SLC4A4: variants seen among roughly 807,000 people sequenced by gnomAD.
The protein encoded by SLC4A4 is solute carrier family 4 member 4, also known as electrogenic sodium bicarbonate cotransporter 1.
A neutral mutation model predicts 111.5 loss-of-function variants in SLC4A4; 27 were observed. The observed-to-expected ratio is 0.24, with a 90% CI of 0.18 to 0.33. The LOEUF is 0.33. SLC4A4 is among the 10% of genes least tolerant of loss of function. SLC4A4 has a pLI of 1.00. For synonymous variants in SLC4A4, 443 were observed against 463.4 expected (o/e 0.96, Z 0.57); for missense variants, 909 against 1,315.5 (o/e 0.69, Z 4.78).
chr4:71,068,578 T>A (rs532976369), intron 1 of SLC4A4, among the ~76,000 whole-genome samples: 1 of 151,878 alleles, frequency 6.6e-6, no homozygotes, highest in South Asian at 2.1e-4. Flanking sequence ...TTTTTTTTTT[T>A]AGGCAGTGTC....
chr4:71,429,867 T>A (rs1723483200), intron 7 of SLC4A4, among the ~76,000 whole-genome samples: 1 of 152,166 alleles, frequency 6.6e-6, no homozygotes, highest in African/African-American at 2.4e-5. Flanking sequence ...AGCCGTATAT[T>A]CTATTCTTGT....
chr4:71,327,491 C>T (rs1043696898), intron 3 of SLC4A4, among the ~76,000 whole-genome samples: 6 of 151,856 alleles, frequency 4.0e-5, no homozygotes, highest in Non-Finnish European at 8.8e-5. Flanking sequence ...GATGCATTTT[C>T]CCTGTCTATA....
chr4:71,312,457 G>C (rs1726281310), intron 3 of SLC4A4, among the ~76,000 whole-genome samples: 1 of 152,172 alleles, frequency 6.6e-6, no homozygotes, highest in Admixed American at 6.5e-5. Context: ...AAACCTGGCA[G>C]AGACACAACA....
At chr4:71,130,746 C>T (rs1347763717) in intron 2 of SLC4A4, among the ~76,000 whole-genome samples, 5 of 152,172 alleles carry the variant, frequency 3.3e-5, no homozygotes, top group Non-Finnish European at 5.9e-5. Context: ...AGGCAAACCT[C>T]GCTCATATAC....
chr4:71,369,700 G>A (rs1731671983), intron 6 of SLC4A4, among the ~76,000 whole-genome samples: 1 of 152,168 alleles, frequency 6.6e-6, no homozygotes, highest in Admixed American at 6.5e-5. Context: ...GCTTGGTAAA[G>A]TGACAAGATT....
chr4:71,300,222 A>G, intron 3 of SLC4A4: 1 of 191,370 alleles, frequency 5.2e-6, no homozygotes, highest in East Asian at 1.3e-4. Context: ...CACCCAATAT[A>G]CAGGGTCTGG....
At chr4:71,270,442 A>T (rs999766727) in intron 3 of SLC4A4, among the ~76,000 whole-genome samples, 1 of 152,228 alleles carries the variant, frequency 6.6e-6, no homozygotes, top group Non-Finnish European at 1.5e-5. Flanking sequence ...CCAAAATACT[A>T]GGAATTTCCT....
rs761331086 is a variant in SLC4A4 at position 71,311,890 on chromosome 4, T to TGAGAGAGAGAGAGAGAGA, written c.254-27453_254-27436dup. ...GAGCCTGAGCAAATGTGCAAGGCTG[T>TGAGAGAGAGAGAGAGAGA]GAGAGAGAGAGAGAGAGAGAGAGAG... On this transcript the variant is annotated intron_variant, in intron 3 of 25. Transcript: ENST00000264485. Among the ~76,000 whole-genome samples, 35 of 76,600 alleles carry TGAGAGAGAGAGAGAGAGA rather than the reference T, an allele frequency of 4.6e-4. 1 individual carries two copies. Among genetic ancestry groups the TGAGAGAGAGAGAGAGAGA allele is most frequent in the South Asian group, 1.0e-3 (2 of 1,922 alleles). 50.3% of individuals were successfully genotyped at this position (76,600 alleles called of 152,430 possible).
At chr4:71,508,563 A>G (rs1265778294) in intron 16 of SLC4A4, among the ~76,000 whole-genome samples, 1 of 152,204 alleles carries the variant, frequency 6.6e-6, no homozygotes, top group African/African-American at 2.4e-5. Flanking sequence ...AACCAGGAGA[A>G]AGTTGAATCC....
At chr4:71,520,599 C>G (rs1442978185) in intron 16 of SLC4A4, among the ~76,000 whole-genome samples, 1 of 152,234 alleles carries the variant, frequency 6.6e-6, no homozygotes, top group Admixed American at 6.5e-5. Flanking sequence ...TGACAATTAA[C>G]AGCCTTTTGA....
chr4:71,299,250 G>T (rs1443563369), intron 3 of SLC4A4, among the ~76,000 whole-genome samples: 2 of 152,206 alleles, frequency 1.3e-5, no homozygotes, highest in Non-Finnish European at 2.9e-5. Context: ...TTGGAGACAG[G>T]TGCTAAGGAA....
chr4:71,487,135 C>T (rs1264465892), intron 15 of SLC4A4, 117 bp downstream of exon 15: 5 of 632,864 alleles, frequency 7.9e-6, no homozygotes, highest in South Asian at 3.8e-5. Flanking sequence ...TGAACACATA[C>T]GTAACAATTA....
intron 2 of SLC4A4, among the ~76,000 whole-genome samples, chr4:71,153,521 G>A (rs887195846): frequency 1.3e-5 from 2 of 152,128 alleles, no homozygotes; most frequent in Non-Finnish European, 2.9e-5. Flanking sequence ...CTAGTCGTTA[G>A]TTAACCTCAT....
intron 2 of SLC4A4, among the ~76,000 whole-genome samples, chr4:71,172,072 A>G (rs565123087): frequency 6.6e-6 from 1 of 152,066 alleles, no homozygotes; most frequent in African/African-American, 2.4e-5. Context: ...ACATCACTAC[A>G]CCTATGAAAA....
At chr4:71,315,725 A>G (rs1578819700) in intron 3 of SLC4A4, among the ~76,000 whole-genome samples, 1 of 152,326 alleles carries the variant, frequency 6.6e-6, no homozygotes, top group South Asian at 2.1e-4. Context: ...ATGGAGGTTT[A>G]CAGAGATATT....
intron 3 of SLC4A4, among the ~76,000 whole-genome samples, chr4:71,307,573 C>T (rs1222349956): frequency 6.6e-6 from 1 of 152,192 alleles, no homozygotes; most frequent in Non-Finnish European, 1.5e-5. Context: ...AAATCGTCAA[C>T]AGCAGCAGCA....
chr4:71,543,045 C>G (rs1026307), intron 18 of SLC4A4, among the ~76,000 whole-genome samples: 150,263 of 152,268 alleles, frequency 0.99, 74,184 homozygotes, highest in Middle Eastern at 1. Flanking sequence ...TAATTATGCA[C>G]AATGTGACAC....
At chr4:71,137,229 T>A (rs1239146376) in intron 2 of SLC4A4, among the ~76,000 whole-genome samples, 1 of 152,190 alleles carries the variant, frequency 6.6e-6, no homozygotes, top group Admixed American at 6.5e-5. Context: ...GAAGTTATGA[T>A]AGAAGCCCTC....
intron 15 of SLC4A4, among the ~76,000 whole-genome samples, chr4:71,492,339 A>C (rs1730006779): frequency 6.6e-6 from 1 of 151,900 alleles, no homozygotes; most frequent in Non-Finnish European, 1.5e-5. Context: ...TTTAAATTTT[A>C]AAATAAATCC....
Sources: gnomAD v4.1 joint callset for allele counts (sites outside exome capture counted in the v4.1 genomes callset) on GRCh38, gnomAD v4.1.1 for gene constraint, MANE v1.5 for transcripts, NCBI Gene and HGNC (gene_info 2026-07-23, HGNC 2026-07-21) for gene names.